The following MACF1 variants were observed in gnomAD, a reference collection of about 807,000 sequenced individuals.
MACF1 encodes microtubule actin crosslinking factor 1, also known as microtubule-actin cross-linking factor 1.
Under a neutral mutation model 854.8 loss-of-function variants are expected in MACF1, and 193 were observed. That is an observed-to-expected ratio of 0.23 (90% CI 0.20 to 0.25). The LOEUF is 0.25. MACF1 is among the 10% of genes least tolerant of loss of function. The pLI, the probability that MACF1 is intolerant of heterozygous loss-of-function variation, is 1.00. For missense variants in MACF1, 7,722 were observed against 8,929.1 expected (o/e 0.86, Z 5.45); for synonymous variants, 3,185 against 3,226.7 (o/e 0.99, Z 0.44).
At chr1:39,144,080 C>CTTTT (rs1430433191) in intron 2 of MACF1, among the ~76,000 whole-genome samples, 3 of 107,610 alleles carry the variant, frequency 2.8e-5, no homozygotes, top group Admixed American at 1.0e-4. Flanking sequence ...AGCCACGGCG[C>CTTTT]TTTTTTTTTT....
intron 52 of MACF1, among the ~76,000 whole-genome samples, chr1:39,374,762 A>G (rs779570191): frequency 1.1e-4 from 16 of 152,170 alleles, no homozygotes; most frequent in Non-Finnish European, 1.6e-4. Context: ...AAAAAAAACC[A>G]GAAATCTCAT....
At chr1:39,117,533 GGT>G (rs67609869) in intron 2 of MACF1, among the ~76,000 whole-genome samples, 25,782 of 147,458 alleles carry the variant, frequency 0.17, 2,285 homozygotes, top group Middle Eastern at 0.25. Flanking sequence ...ACCTGCAAGA[GGT>G]GTGTGTGTGT....
intron 6 of MACF1, among the ~76,000 whole-genome samples, chr1:39,275,512 C>T (rs919676271): frequency 1.3e-5 from 2 of 152,090 alleles, no homozygotes; most frequent in Non-Finnish European, 2.9e-5. Flanking sequence ...TGCAAGCACA[C>T]CACCATGCCT....
At chr1:39,440,306 A>G (rs1644085083) in intron 72 of MACF1, among the ~76,000 whole-genome samples, 1 of 151,268 alleles carries the variant, frequency 6.6e-6, no homozygotes, top group Non-Finnish European at 1.5e-5. Context: ...GGGTTTCACC[A>G]TGTTGCCCAG....
Position 39,460,632 on chromosome 1 carries a change from T to C in MACF1, c.21361T>C (p.Leu7121=), listed in dbSNP as rs1156587581. 17 of 1,614,108 alleles carry C rather than the reference T, an allele frequency of 1.1e-5. No individual in the cohort carries two copies. The highest frequency in any genetic ancestry group is 2.7e-5 in the African/African-American group (2 of 75,050). ...ATTGACACTTCTGATTTCTGTGTAGTTGAAAGAATTTGCCAACTTTGACTT... is the reference window on the plus strand; with the variant it reads ...ATTGACACTTCTGATTTCTGTGTAGCTGAAAGAATTTGCCAACTTTGACTT... ...LNDALDRLEE[L]KEFANFDFDV... is the part of the protein sequence containing the mutation. Residue 7121 remains leucine, a splice_region_variant and synonymous_variant, in exon 92 of 101, where the codon TTG becomes CTG. Transcript: ENST00000564288. This position sits in a 1 kb window ranked among gnomAD's most constrained non-coding sequence, Gnocchi z 4.1.
In MACF1 at chr1:39,295,802, G is replaced by C; in HGVS notation, c.2275G>C (p.Val759Leu). 6.2e-7 allele frequency: 1 copy of C among 1,613,950 alleles called. No homozygotes were observed. The highest frequency in any genetic ancestry group is 8.5e-7 in the Non-Finnish European group (1 of 1,179,894). Residue 759 changes from valine (V) to leucine (L), a missense_variant, in exon 20 of 101, where the codon GTC (valine) becomes CTC (leucine). Around this residue, in one of 15 missense-constraint regions of MACF1, gnomAD observed 1,137 missense variants for 1,263.0 expected, o/e 0.90. Coordinates refer to ENST00000564288, the MANE Select transcript of MACF1 (RefSeq NM_001394062.1). ...KQTVEAYSAA[V>L]QSQLQWMKQL... ...TTTATTGCAGGCTTACAGTGCTGCTGTCCAGTCCCAGTTGCAGTGGATGAA... is the reference window on the plus strand; with the variant it reads ...TTTATTGCAGGCTTACAGTGCTGCTCTCCAGTCCCAGTTGCAGTGGATGAA...
At chr1:39,096,361 T>G (rs570703912) in intron 2 of MACF1, among the ~76,000 whole-genome samples, 37 of 151,996 alleles carry the variant, frequency 2.4e-4, no homozygotes, top group Middle Eastern at 3.4e-3. Flanking sequence ...ATAGAAGTTA[T>G]GAGCCAGGAA....
chr1:39,252,024 C>T (rs1645045364), intron 4 of MACF1, 83 bp downstream of exon 4: 4 of 889,004 alleles, frequency 4.5e-6, no homozygotes, highest in African/African-American at 3.5e-5. Flanking sequence ...CTCCAGGTCT[C>T]GAAGTAGTTC....
chr1:39,468,827 GT>G, intron 96 of MACF1, 95 bp downstream of exon 96: 2 of 1,165,190 alleles, frequency 1.7e-6, no homozygotes, highest in Non-Finnish European at 2.5e-6. Context: ...GGGTCTGTCT[GT>G]TTTTTATTTT....
At chr1:39,224,582 T>C (rs770180317) in intron 1 of MACF1, among the ~76,000 whole-genome samples, 2 of 152,064 alleles carry the variant, frequency 1.3e-5, no homozygotes, top group Admixed American at 6.6e-5. Context: ...CCAGGTCACA[T>C]AGAATAAATA....
chr1:39,346,521 C>CTT (rs527394465), intron 40 of MACF1, among the ~76,000 whole-genome samples: 118 of 137,998 alleles, frequency 8.6e-4, no homozygotes, highest in African/African-American at 2.2e-3. Context: ...GTGAGAGAGA[C>CTT]TTTTTTTTTT....
intron 2 of MACF1, among the ~76,000 whole-genome samples, chr1:39,156,228 C>T (rs140917920): frequency 0.023 from 3,494 of 151,940 alleles, 76 homozygotes; most frequent in East Asian, 0.13. Context: ...AGGCTGGTCT[C>T]GAACTCCTGA....
chr1:39,196,614 GTAT>G (rs1571161372), intron 2 of MACF1, among the ~76,000 whole-genome samples: 1 of 152,236 alleles, frequency 6.6e-6, no homozygotes, highest in African/African-American at 2.4e-5. Context: ...TATATTTATT[GTAT>G]TTTTTAAAAG....
At chr1:39,222,520 T>G (rs1056427794) in intron 1 of MACF1, among the ~76,000 whole-genome samples, 6 of 152,198 alleles carry the variant, frequency 3.9e-5, no homozygotes, top group African/African-American at 1.4e-4. Flanking sequence ...CACCGTTCAC[T>G]TCGTAGCCTT....
intron 15 of MACF1, among the ~76,000 whole-genome samples, chr1:39,288,220 C>T (rs776598907): frequency 2.0e-5 from 3 of 152,072 alleles, no homozygotes; most frequent in Admixed American, 6.6e-5. Flanking sequence ...GGCTGGGTGC[C>T]GGGTGCAGTG....
chr1:39,201,231 C>T (rs923054509), upstream of MACF1, among the ~76,000 whole-genome samples: 2 of 152,190 alleles, frequency 1.3e-5, no homozygotes, highest in African/African-American at 4.8e-5. Context: ...CCTCTGTGGC[C>T]ACACTCTGGC....
At chr1:39,116,363 A>G (rs1308657788) in intron 2 of MACF1, among the ~76,000 whole-genome samples, 2 of 151,026 alleles carry the variant, frequency 1.3e-5, no homozygotes, top group African/African-American at 4.9e-5. Context: ...AGTCAGGAGG[A>G]AGGAAAGAAG....
chr1:39,350,724 A>G (rs573290379), intron 42 of MACF1, 61 bp from the exon 43 acceptor site: 6 of 1,205,786 alleles, frequency 5.0e-6, no homozygotes, highest in African/African-American at 4.4e-5. Context: ...TCTTTATACC[A>G]TTAGAGGACT....
In MACF1 at chr1:39,186,210, CTCTCTGTGTG is replaced by C. The variant is rs1239948862; in HGVS notation, c.221-44970_221-44961del. Reference sequence around the variant, plus strand: ...TCTCTCTCTCTCTCTCTCTCTCTCTCTCTCTGTGTGTGTGTGTGTGTGTGTGTGTGTGTGT... The same window carrying C: ...TCTCTCTCTCTCTCTCTCTCTCTCTCTGTGTGTGTGTGTGTGTGTGTGTGT... On this transcript the variant is annotated intron_variant, in intron 2 of 93. Transcript: ENST00000361689. Among the ~76,000 whole-genome samples, 13 of 69,348 alleles carry C rather than the reference CTCTCTGTGTG, an allele frequency of 1.9e-4. No individual in the cohort carries two copies. The South Asian group carries it at 5.7e-3, about 31-fold the overall frequency. The allele number at this position is 69,348 out of a possible 152,430, so 45.5% of individuals were successfully genotyped here. A position where few individuals can be genotyped will look rare whatever the true frequency, so the allele number is the denominator to read the frequency against.
Sources: allele counts gnomAD v4.1 joint callset (sites outside exome capture counted in the v4.1 genomes callset), GRCh38; gene constraint gnomAD v4.1.1; regional missense constraint gnomAD v4.1.1; non-coding constraint Gnocchi (gnomAD v3.1); transcripts MANE v1.5; gene names NCBI Gene and HGNC (gene_info 2026-07-23, HGNC 2026-07-21).